Variants in TEX2 observed in about 807,000 individuals in gnomAD.
TEX2 encodes the protein testis-expressed protein 2.
In TEX2, 53 loss-of-function variants were observed where a neutral mutation model predicts 106.9. That is an observed-to-expected ratio of 0.50 (90% CI 0.40 to 0.62). The LOEUF is 0.62. Among genes scored for constraint, TEX2 ranks in the 20% least tolerant of loss-of-function variants. TEX2 has a pLI of 0.00. For synonymous variants in TEX2, 523 were observed against 534.8 expected, an observed-to-expected ratio of 0.98 and a Z score of 0.30; for missense variants, 1,207 against 1,379.0, an observed-to-expected ratio of 0.88 and a Z score of 1.98.
intron 5 of TEX2, among the ~76,000 whole-genome samples, chr17:64,183,191 C>T (rs2031948012): frequency 6.6e-6 from 1 of 152,250 alleles, no homozygotes; most frequent in African/African-American, 2.4e-5. Context: ...CAGGCGCAAG[C>T]CACTGTGCCC....
rs140143257 is a variant in TEX2, at chr17:64,153,145, T to A, written c.2940A>T (p.Gly980=). The A allele has an allele frequency of 3.7e-6, 6 of 1,612,314 alleles. No homozygotes were observed. Among genetic ancestry groups the A allele is most frequent in the Non-Finnish European group, 5.1e-6 (6 of 1,178,778 alleles). Residue 980 remains glycine, a synonymous_variant, in exon 10 of 12, where the codon GGA becomes GGT. Transcript: ENST00000584379. The surrounding 1 kb of genome is among the most constrained non-coding windows in gnomAD (Gnocchi z 4.1). ...QLLPGAEGYV[G]GHRTSKIMRF... is the part of the protein sequence containing the mutation. ...TCATAATCTTACTTGTTCGATGACC[T>A]CCAACGTACCTTCAAATGTGGAACA...
chr17:64,241,949 G>A (rs538490625), intron 1 of TEX2, among the ~76,000 whole-genome samples: 1 of 152,176 alleles, frequency 6.6e-6, no homozygotes, highest in Non-Finnish European at 1.5e-5. Flanking sequence ...TTATTTTTGA[G>A]AACGGTACTG....
chr17:64,183,422 ATTTC>A (rs751236413), intron 5 of TEX2, among the ~76,000 whole-genome samples: 7 of 151,356 alleles, frequency 4.6e-5, no homozygotes, highest in African/African-American at 9.7e-5. Context: ...GAGGACTCCA[ATTTC>A]TTTCTTTCTT....
chr17:64,233,417 C>CA (rs2033700488), intron 1 of TEX2, among the ~76,000 whole-genome samples: 1 of 152,052 alleles, frequency 6.6e-6, no homozygotes, highest in Non-Finnish European at 1.5e-5. Flanking sequence ...ACTAAAAATA[C>CA]AAAAAATTAG....
chr17:64,213,602 G>A lies in TEX2; in HGVS notation c.616C>T (p.His206Tyr). The A allele has an allele frequency of 6.2e-7, 1 of 1,614,140 alleles. No individual in the cohort carries two copies. The highest frequency in any genetic ancestry group is 8.5e-7 in the Non-Finnish European group (1 of 1,180,002). Residue 206 changes from histidine to tyrosine, a missense_variant, in exon 2 of 12, where the codon CAC (histidine) becomes TAC (tyrosine). By Grantham distance (83) the His-to-Tyr change is moderately conservative. This residue lies in a region of TEX2 where 1,067 missense variants were observed against 1,193.6 expected (regional missense o/e 0.89). Coordinates refer to ENST00000584379, the MANE Select transcript of TEX2 (RefSeq NM_001288732.2). This position sits in a 1 kb window ranked among gnomAD's most constrained non-coding sequence, Gnocchi z 4.4. ...STEVEPKESP[H>Y]PARHRHLMKT... ...ATCAAGTGCCTGTGCCTTGCGGGGTGTGGGGATTCTTTTGGCTCCACCTCG... is the reference window on the plus strand; with the variant it reads ...ATCAAGTGCCTGTGCCTTGCGGGGTATGGGGATTCTTTTGGCTCCACCTCG...
At chr17:64,240,272 T>C (rs1567964429) in intron 1 of TEX2, among the ~76,000 whole-genome samples, 2 of 149,996 alleles carry the variant, frequency 1.3e-5, no homozygotes, top group African/African-American at 5.0e-5. Context: ...TGTAAAGCTC[T>C]TTGTTAATAA....
At chr17:64,189,198 C>T (rs2032204889) in intron 4 of TEX2, among the ~76,000 whole-genome samples, 1 of 152,200 alleles carries the variant, frequency 6.6e-6, no homozygotes, top group Non-Finnish European at 1.5e-5. Flanking sequence ...CTTGAACTCA[C>T]GCACCTAAGC....
intron 5 of TEX2, among the ~76,000 whole-genome samples, chr17:64,180,162 A>G (rs2031795941): frequency 6.6e-6 from 1 of 152,218 alleles, no homozygotes; most frequent in South Asian, 2.1e-4. Context: ...GACAGTACTA[A>G]GTTGCTGCCC....
rs1353025637 is a variant in TEX2 at position 64,217,333 on chromosome 17, G to C, written c.-25-3091C>G. On this transcript the variant is annotated intron_variant, in intron 1 of 11. Coordinates refer to ENST00000584379, the MANE Select transcript of TEX2 (RefSeq NM_001288732.2). The surrounding 1 kb of genome is among the most constrained non-coding windows in gnomAD (Gnocchi z 4.3). The stretch of plus-strand genomic sequence containing the variant: ...CCCTCCCACAGCCACAGCCATGCAG[G>C]ACAGCCAAGGCCAAGAGGAAGGACC... Among the ~76,000 whole-genome samples, 1 of 152,256 alleles carries C rather than the reference G, an allele frequency of 6.6e-6. No individual in the cohort carries two copies. The highest frequency in any genetic ancestry group is 1.9e-4 in the East Asian group (1 of 5,178).
chr17:64,152,881 C>T (rs140703913), intron 10 of TEX2, 64 bp downstream of exon 10: 118 of 1,526,562 alleles, frequency 7.7e-5, no homozygotes, highest in Non-Finnish European at 1.0e-4. Context: ...GTTAAGCAGG[C>T]TGGGATTTCT....
chr17:64,248,948 T>C (rs1555636602), intron 1 of TEX2, among the ~76,000 whole-genome samples: 1 of 151,278 alleles, frequency 6.6e-6, no homozygotes, highest in Admixed American at 6.6e-5. Flanking sequence ...GGAAGGAGGA[T>C]CACTTGAACC....
intron 2 of TEX2, among the ~76,000 whole-genome samples, chr17:64,212,372 T>C (rs2033028758): frequency 6.6e-6 from 1 of 152,180 alleles, no homozygotes; most frequent in Admixed American, 6.5e-5. Context: ...CAGAAACTAC[T>C]TTGTGAATCT....
intron 8 of TEX2, among the ~76,000 whole-genome samples, chr17:64,157,029 G>T (rs896522590): frequency 6.6e-6 from 1 of 152,230 alleles, no homozygotes. Flanking sequence ...CTGATCAGAT[G>T]ATGTGAAAAT....
At chr17:64,261,905 G>A (rs1217218616) in intron 1 of TEX2, among the ~76,000 whole-genome samples, 1 of 152,104 alleles carries the variant, frequency 6.6e-6, no homozygotes, top group Non-Finnish European at 1.5e-5. Context: ...TGAGACAAGC[G>A]TCTCTGTGTG....
chr17:64,210,634 CTTTTTTTTTTTT>C (rs58313195), intron 2 of TEX2, among the ~76,000 whole-genome samples: 3 of 74,786 alleles, frequency 4.0e-5, no homozygotes, highest in Non-Finnish European at 7.3e-5. Context: ...CAACCCCCAG[CTTTTTTTTTTTT>C]TTTTTTTTTT....
intron 1 of TEX2, among the ~76,000 whole-genome samples, 196 bp downstream of exon 1, chr17:64,262,972 C>T (rs1377870201): frequency 6.6e-6 from 1 of 152,138 alleles, no homozygotes; most frequent in South Asian, 2.1e-4. Flanking sequence ...GAAGGGATTG[C>T]CCGGGGGTGT....
chr17:64,252,335 T>C (rs1239323070), intron 1 of TEX2, among the ~76,000 whole-genome samples: 1 of 152,190 alleles, frequency 6.6e-6, no homozygotes, highest in Non-Finnish European at 1.5e-5. Context: ...GTTGTTTTTG[T>C]CTGTTTTTGA....
intron 3 of TEX2, among the ~76,000 whole-genome samples, 196 bp from the exon 4 acceptor site, chr17:64,194,085 A>C (rs2032387670): frequency 6.6e-6 from 1 of 152,366 alleles, no homozygotes; most frequent in Middle Eastern, 3.4e-3. Flanking sequence ...CTTCAAAATC[A>C]TTCCACAAAG....
At chr17:64,151,061 C>T (rs2030328931) in intron 10 of TEX2, 100 bp from the exon 11 acceptor site, 1 of 1,322,480 alleles carries the variant, frequency 7.6e-7, no homozygotes, top group Non-Finnish European at 1.0e-6. Flanking sequence ...TTTATCACTA[C>T]TTAAAATGTT....
Sources: gnomAD v4.1 joint callset for allele counts (sites outside exome capture counted in the v4.1 genomes callset) on GRCh38, gnomAD v4.1.1 for gene constraint, gnomAD v4.1.1 regional missense constraint, Gnocchi (gnomAD v3.1) non-coding constraint, MANE v1.5 for transcripts, NCBI Gene and HGNC (gene_info 2026-07-23, HGNC 2026-07-21) for gene names.